The following RIOX2 variants were observed in gnomAD, a reference collection of about 807,000 sequenced individuals.
RIOX2 encodes the protein 60S ribosomal protein L27a histidine hydroxylase.
RIOX2 carries 43 observed loss-of-function variants against 51.2 expected under a neutral mutation model. That is an observed-to-expected ratio of 0.84 (90% CI 0.66 to 1.08). The LOEUF (loss-of-function observed/expected upper bound fraction) is 1.08, where lower values mean the gene tolerates loss of function less well. Ranked by LOEUF, RIOX2 falls within the 50% of genes least tolerant of loss-of-function variation. The pLI is 0.00. For synonymous variants in RIOX2, 226 were observed against 218.5 expected (o/e 1.03, Z -0.30); for missense variants, 566 against 561.7 (o/e 1.01, Z -0.08).
rs2040395336 is a variant in RIOX2, at chr3:97,947,556, T to C, written c.1061-107A>G. Reference sequence around the variant, plus strand: ...AACACATTTACTAACAATTTACAGGTGAATCCAAACATGGCATACACTCCA... The same window carrying C: ...AACACATTTACTAACAATTTACAGGCGAATCCAAACATGGCATACACTCCA... On this transcript the variant is annotated intron_variant, in intron 7 of 9. Transcript: ENST00000394198. 23 of 827,018 alleles carry C rather than the reference T, an allele frequency of 2.8e-5. No homozygotes were observed. The South Asian group carries it at 3.5e-4, about 13-fold the overall frequency. The allele number at this position is 827,018 out of a possible 1,614,324, so 51.2% of individuals were successfully genotyped here.
chr3:97,942,545 T>TTAAG lies in RIOX2; in HGVS notation c.*2635_*2638dup. 1 of 1,068,410 alleles carries TTAAG rather than the reference T, an allele frequency of 9.4e-7. No individual in the cohort carries two copies. The highest frequency in any genetic ancestry group is 2.6e-5 in the East Asian group (1 of 39,118). 66.2% of individuals were successfully genotyped at this position (1,068,410 alleles called of 1,614,324 possible). A position where few individuals can be genotyped will look rare whatever the true frequency, so the allele number is the denominator to read the frequency against. On this transcript the variant is annotated 3_prime_UTR_variant, in exon 10 of 10. Transcript: ENST00000394198. ...GACATCCTTATGTATAAGAGAAATGTTAAGTCATTTAAAATTATGCTTGAA... is the reference window on the plus strand; with the variant it reads ...GACATCCTTATGTATAAGAGAAATGTTAAGTAAGTCATTTAAAATTATGCTTGAA...
chr3:97,961,527 A>G (rs768205115), intron 3 of RIOX2, 62 bp downstream of exon 3: 763 of 1,533,088 alleles, frequency 5.0e-4, no homozygotes, highest in Admixed American at 8.2e-4. Flanking sequence ...TGACAACTCT[A>G]CTAAACCAGG....
At chr3:97,951,041 C>T (rs1705225794) in intron 5 of RIOX2, 153 bp from the exon 6 acceptor site, 5 of 602,902 alleles carry the variant, frequency 8.3e-6, no homozygotes, top group Non-Finnish European at 1.5e-5. Flanking sequence ...GGACATTACT[C>T]AGCATGGAAA....
intron 5 of RIOX2, chr3:97,954,177 TAC>T: frequency 1.9e-6 from 1 of 519,608 alleles, no homozygotes; most frequent in Non-Finnish European, 3.5e-6. Flanking sequence ...CCCCACATCC[TAC>T]AGAGTCAGGT....
intron 5 of RIOX2, 183 bp from the exon 6 acceptor site, chr3:97,951,071 A>C (rs1575997941): frequency 5.5e-6 from 3 of 540,734 alleles, no homozygotes; most frequent in Admixed American, 3.2e-5. Context: ...TTCATCAACC[A>C]CCCTGTTTCC....
chr3:97,949,100 A>G lies in RIOX2; in HGVS notation c.1060+744T>C, dbSNP rs151316441. 2.6e-5 allele frequency among the ~76,000 whole-genome samples: 4 copies of G among 152,214 alleles called. No individual in the cohort carries two copies. In the East Asian group the frequency reaches 7.8e-4, roughly 29 times the overall value. Reference sequence around the variant, plus strand: ...TATGATTTGGATGTTTGTCCCATCCAAATCTCATGTTCAAATTTGATCCCC... The same window carrying G: ...TATGATTTGGATGTTTGTCCCATCCGAATCTCATGTTCAAATTTGATCCCC... On this transcript the variant is annotated intron_variant, in intron 7 of 9. Coordinates refer to ENST00000394198, the MANE Select transcript of RIOX2 (RefSeq NM_153182.4).
At chr3:97,969,156 AAC>A (rs1236789588) in intron 1 of RIOX2, among the ~76,000 whole-genome samples, 2 of 152,240 alleles carry the variant, frequency 1.3e-5, no homozygotes, top group Admixed American at 1.3e-4. Context: ...TTGATAAGGA[AAC>A]ACAGGACATG....
At position 97,945,338 on chromosome 3, in the gene RIOX2, T is replaced by C. The variant is rs2040329485; in HGVS notation, c.1244A>G (p.His415Arg). The change falls in exon 10 of 10, where the codon CAT (histidine) becomes CGT (arginine). Residue 415 changes from histidine to arginine, a missense_variant. Transcript: ENST00000394198. Reference sequence around the variant, plus strand: ...ATGTGACAAAGGGAAGCGAAGTCCATGAAACTGAAAGGATAAATTTATTTG... The same window carrying C: ...ATGTGACAAAGGGAAGCGAAGTCCACGAAACTGAAAGGATAAATTTATTTG... ...MMGNEEETEF[H>R]GLRFPLSHLD... 2 of 1,608,414 alleles carry C rather than the reference T, an allele frequency of 1.2e-6. No individual in the cohort carries two copies. Among genetic ancestry groups the C allele is most frequent in the Non-Finnish European group, 1.7e-6 (2 of 1,177,714 alleles).
At chr3:97,962,359 C>G (rs71311340) in intron 2 of RIOX2, among the ~76,000 whole-genome samples, 1,405 of 10,466 alleles carry the variant, frequency 0.13, 57 homozygotes, top group Middle Eastern at 0.38. Flanking sequence ...TGCTAAGACC[C>G]CCCCCCCCCC....
intron 5 of RIOX2, among the ~76,000 whole-genome samples, chr3:97,953,106 C>T (rs1197659177): frequency 6.6e-6 from 1 of 152,162 alleles, no homozygotes; most frequent in African/African-American, 2.4e-5. Flanking sequence ...CTCTGATCTG[C>T]TGACCCACCC....
Position 97,959,047 on chromosome 3 carries a change from ATACCT to A in RIOX2, c.680_681+3del, listed in dbSNP as rs751861093. ...ATGAGGTGCCCACAACGGTTATCAC[ATACCT>A]TCAGCATAAACTCATGCACCGGCCT... On this transcript the variant is annotated splice_donor_variant and splice_donor_region_variant and coding_sequence_variant and intron_variant, in exon 4 of 10. Transcript: ENST00000394198. LOFTEE classifies it high-confidence loss of function. 1 of 1,608,370 alleles carries A rather than the reference ATACCT, an allele frequency of 6.2e-7. No homozygotes were observed. Among genetic ancestry groups the A allele is most frequent in the South Asian group, 1.1e-5 (1 of 90,202 alleles).
intron 3 of RIOX2, 108 bp downstream of exon 3, chr3:97,961,481 G>A (rs766116453): frequency 1.6e-4 from 192 of 1,230,320 alleles, no homozygotes; most frequent in Non-Finnish European, 2.0e-4. Flanking sequence ...AGCGAATACA[G>A]ACCTAAGAGC....
chr3:97,951,199 T>C (rs1185274890), intron 5 of RIOX2: 1 of 242,068 alleles, frequency 4.1e-6, no homozygotes, highest in African/African-American at 2.3e-5. Context: ...AACAGGAAGT[T>C]CAATGGACCA....
In RIOX2 at chr3:97,942,731, GT is replaced by G. The variant is rs1361869749; in HGVS notation, c.*2452del. 1 of 267,850 alleles carries G rather than the reference GT, an allele frequency of 3.7e-6. No individual in the cohort carries two copies. Among genetic ancestry groups the G allele is most frequent in the Admixed American group, 5.3e-5 (1 of 19,002 alleles). 16.6% of individuals were successfully genotyped at this position (267,850 alleles called of 1,614,324 possible). A position where few individuals can be genotyped will look rare whatever the true frequency, so the allele number is the denominator to read the frequency against. Reference sequence around the variant, plus strand: ...AAGCACCATAAACCATGAAATGAATGTCATCTGTTTCTTAGAAACATCTCTA... The same window carrying G: ...AAGCACCATAAACCATGAAATGAATGCATCTGTTTCTTAGAAACATCTCTA... On this transcript the variant is annotated 3_prime_UTR_variant, in exon 10 of 10. Coordinates refer to ENST00000394198, the MANE Select transcript of RIOX2 (RefSeq NM_153182.4).
In RIOX2 at chr3:97,970,893, A is replaced by G. The variant is rs953179944; in HGVS notation, c.-40+1488T>C. Among the ~76,000 whole-genome samples the G allele has an allele frequency of 3.8e-4, 58 of 152,246 alleles. 1 individual carries two copies. The highest frequency in any genetic ancestry group is 7.3e-5 in the Non-Finnish European group (5 of 68,038). ...CTCCTTTTCTATAATATTTGAGGACATGAAGACGTGAGGAAGCTCTTGAAG... is the reference window on the plus strand; with the variant it reads ...CTCCTTTTCTATAATATTTGAGGACGTGAAGACGTGAGGAAGCTCTTGAAG... On this transcript the variant is annotated intron_variant, in intron 1 of 9. Coordinates refer to ENST00000394198, the MANE Select transcript of RIOX2 (RefSeq NM_153182.4).
At chr3:97,961,470 G>T in intron 3 of RIOX2, 119 bp downstream of exon 3, 1 of 1,093,830 alleles carries the variant, frequency 9.1e-7, no homozygotes, top group South Asian at 2.4e-5. Context: ...TGCACAGAAA[G>T]AGCGAATACA....
intron 3 of RIOX2, among the ~76,000 whole-genome samples, chr3:97,959,466 T>G (rs1372128511): frequency 6.6e-6 from 1 of 152,018 alleles, no homozygotes; most frequent in African/African-American, 2.4e-5. Context: ...GAAGCTGGCA[T>G]GCACCACAGC....
intron 9 of RIOX2, 106 bp from the exon 10 acceptor site, chr3:97,945,448 C>A: frequency 1.0e-6 from 1 of 1,002,100 alleles, no homozygotes; most frequent in Non-Finnish European, 1.4e-6. Context: ...TTTGATACCC[C>A]TCATGAGTAT....
At chr3:97,954,817 C>T (rs1453480077) in intron 4 of RIOX2, among the ~76,000 whole-genome samples, 1 of 152,150 alleles carries the variant, frequency 6.6e-6, no homozygotes, top group Non-Finnish European at 1.5e-5. Flanking sequence ...ACATCCTGTG[C>T]CTGGGACGCC....
Sources: gnomAD v4.1 joint callset for allele counts (sites outside exome capture counted in the v4.1 genomes callset) on GRCh38, gnomAD v4.1.1 for gene constraint, MANE v1.5 for transcripts, NCBI Gene and HGNC (gene_info 2026-07-23, HGNC 2026-07-21) for gene names.